Variants in KCTD7 observed in about 807,000 individuals in gnomAD.
KCTD7 encodes the protein BTB/POZ domain-containing protein KCTD7.
Under a neutral mutation model 27.0 loss-of-function variants are expected in KCTD7, and 15 were observed. The ratio of observed to expected loss-of-function variants is 0.56; its 90% CI spans 0.37 to 0.86. The LOEUF is 0.86. Among genes scored for constraint, KCTD7 ranks in the 40% least tolerant of loss-of-function variants. The probability of loss-of-function intolerance (pLI) is 0.00; values close to 1 mark genes in which losing one functional copy is unlikely to be tolerated. For synonymous variants in KCTD7, 159 were observed against 162.7 expected (o/e 0.98, Z 0.17); for missense variants, 299 against 398.9 (o/e 0.75, Z 2.13).
Position 66,629,130 on chromosome 7 carries a change from C to A in KCTD7, c.66C>A (p.Asp22Glu). 6.5e-7 allele frequency: 1 copy of A among 1,536,668 alleles called. No individual in the cohort carries two copies. Among genetic ancestry groups the A allele is most frequent in the Non-Finnish European group, 8.7e-7 (1 of 1,143,846 alleles). ...AGGACGGTGCCATGTCCAGCTCTGA[C>A]GCCGAAGACGACTTTCTGGAGCCGG... ...RRQDGAMSSS[D>E]AEDDFLEPAT... Residue 22 changes from aspartate to glutamate, a missense_variant, in exon 1 of 4, where the codon GAC (aspartate) becomes GAA (glutamate). Transcript: ENST00000639828.
chr7:66,629,394 C>T (rs1297954172), intron 1 of KCTD7, among the ~76,000 whole-genome samples, 186 bp downstream of exon 1: 1 of 121,742 alleles, frequency 8.2e-6, no homozygotes, highest in Non-Finnish European at 1.8e-5. Context: ...CCACCTTCAA[C>T]CCCTGTCAAT....
Position 66,641,971 on chromosome 7 carries a change from T to C in KCTD7, c.*2739T>C. 1.0e-6 allele frequency: 1 copy of C among 985,408 alleles called. No homozygotes were observed. Among genetic ancestry groups the C allele is most frequent in the Non-Finnish European group, 1.2e-6 (1 of 829,930 alleles). 61.0% of individuals were successfully genotyped at this position (985,408 alleles called of 1,614,324 possible). A position where few individuals can be genotyped will look rare whatever the true frequency, so the allele number is the denominator to read the frequency against. On this transcript the variant is annotated 3_prime_UTR_variant, in exon 4 of 4. Coordinates refer to ENST00000639828, the MANE Select transcript of KCTD7 (RefSeq NM_153033.5). ...CATAAGGAAGTGCATCTTTATAGAA[T>C]TGTTGTGCATAATGTCAGTAAATCC...
chr7:66,638,852 A>G lies in KCTD7; in HGVS notation c.494-4A>G, dbSNP rs776046806. The G allele has an allele frequency of 1.2e-6, 2 of 1,613,916 alleles. No homozygotes were observed. Among genetic ancestry groups the G allele is most frequent in the Middle Eastern group, 1.7e-4 (1 of 5,988 alleles). Reference sequence around the variant, plus strand: ...AGTGATAGGTGTTGTGTTCATCCTTATAGACCACTTGGAGCGGATTGTGGA... The same window carrying G: ...AGTGATAGGTGTTGTGTTCATCCTTGTAGACCACTTGGAGCGGATTGTGGA... On this transcript the variant is annotated splice_region_variant and splice_polypyrimidine_tract_variant and intron_variant, in intron 3 of 3. Transcript: ENST00000639828.
rs1487866257 is a variant in KCTD7 at position 66,639,882 on chromosome 7, C to G, written c.*650C>G. The stretch of plus-strand genomic sequence containing the variant: ...CTGCCAAAGCTATGCACCCAGTTGG[C>G]CTTAGAAAACCACAATGTTTACAGC... On this transcript the variant is annotated 3_prime_UTR_variant, in exon 4 of 4. Coordinates refer to ENST00000639828, the MANE Select transcript of KCTD7 (RefSeq NM_153033.5). 1.6e-6 allele frequency: 2 copies of G among 1,244,920 alleles called. No individual in the cohort carries two copies. Among genetic ancestry groups the G allele is most frequent in the Admixed American group, 7.7e-5 (2 of 25,864 alleles). 77.1% of individuals were successfully genotyped at this position (1,244,920 alleles called of 1,614,324 possible). A position where few individuals can be genotyped will look rare whatever the true frequency, so the allele number is the denominator to read the frequency against.
At chr7:66,629,829 G>T (rs1216542386) in intron 1 of KCTD7, among the ~76,000 whole-genome samples, 1 of 152,160 alleles carries the variant, frequency 6.6e-6, no homozygotes, top group Non-Finnish European at 1.5e-5. Context: ...GCACATAAGG[G>T]GCAGGCCAGT....
In KCTD7 at chr7:66,639,539, G is replaced by A; in HGVS notation, c.*307G>A. On this transcript the variant is annotated 3_prime_UTR_variant, in exon 4 of 4. Coordinates refer to ENST00000639828, the MANE Select transcript of KCTD7 (RefSeq NM_153033.5). ...TGACCAGGAAGTCCCGAGAAGTTTT[G>A]TCACCTTCTTGACCTTGCAAGAGAG... The A allele has an allele frequency of 7.3e-7, 1 of 1,375,730 alleles. No individual in the cohort carries two copies. Among genetic ancestry groups the A allele is most frequent in the Non-Finnish European group, 9.4e-7 (1 of 1,061,800 alleles). 85.2% of individuals were successfully genotyped at this position (1,375,730 alleles called of 1,614,324 possible). A position where few individuals can be genotyped will look rare whatever the true frequency, so the allele number is the denominator to read the frequency against.
intron 1 of KCTD7, among the ~76,000 whole-genome samples, chr7:66,630,687 A>G (rs1333033209): frequency 6.6e-6 from 1 of 152,246 alleles, no homozygotes; most frequent in African/African-American, 2.4e-5. Context: ...AATCTCTGCA[A>G]TTGGAAAAAA....
At position 66,629,089 on chromosome 7, in the gene KCTD7, C is replaced by T; in HGVS notation, c.25C>T (p.Pro9Ser). The part of the protein sequence containing the change: MVVVTGRE[P>S]DSRRQDGAMS... ...GATGGTGGTAGTCACGGGGCGGGAG[C>T]CAGACAGCCGTCGTCAGGACGGTGC... Residue 9 changes from proline to serine, a missense_variant, in exon 1 of 4, where the codon CCA (proline) becomes TCA (serine). Pro to Ser is a moderately conservative substitution (Grantham distance 74). Coordinates refer to ENST00000639828, the MANE Select transcript of KCTD7 (RefSeq NM_153033.5). The T allele has an allele frequency of 6.5e-7, 1 of 1,533,530 alleles. No individual in the cohort carries two copies. The highest frequency in any genetic ancestry group is 8.8e-7 in the Non-Finnish European group (1 of 1,141,910). The allele number at this position is 1,533,530 out of a possible 1,614,324, so 95.0% of individuals were successfully genotyped here.
In KCTD7 at chr7:66,640,336, A is replaced by G. The variant is rs546435150; in HGVS notation, c.*1104A>G. 232 of 1,535,540 alleles carry G rather than the reference A, an allele frequency of 1.5e-4. No individual in the cohort carries two copies. The highest frequency in any genetic ancestry group is 1.8e-4 in the Non-Finnish European group (207 of 1,146,370). ...CTATTTTTGTTTTACTCACTTCTTT[A>G]TATTTTGTTTTACTCCTCACTCCTG... On this transcript the variant is annotated 3_prime_UTR_variant, in exon 4 of 4. Transcript: ENST00000639828.
Position 66,633,288 on chromosome 7 carries a change from T to C in KCTD7, c.158T>C (p.Val53Ala), listed in dbSNP as rs2116763713. 1 of 1,613,900 alleles carries C rather than the reference T, an allele frequency of 6.2e-7. No homozygotes were observed. Among genetic ancestry groups the C allele is most frequent in the Non-Finnish European group, 8.5e-7 (1 of 1,179,852 alleles). Residue 53 changes from valine to alanine, a missense_variant, in exon 2 of 4, where the codon GTT becomes GCT. Coordinates refer to ENST00000639828, the MANE Select transcript of KCTD7 (RefSeq NM_153033.5). ...PLLPQEFPEV[V>A]PLNIGGAHFT... is the part of the protein sequence containing the mutation. ...ATTTCTTTCCAGTTTCCTGAGGTTG[T>C]TCCCCTTAACATCGGAGGGGCTCAC...
At chr7:66,638,714 A>T in intron 3 of KCTD7, 142 bp from the exon 4 acceptor site, 1 of 1,049,328 alleles carries the variant, frequency 9.5e-7, no homozygotes, top group South Asian at 1.5e-5. Flanking sequence ...TGTGCCCTTC[A>T]TTGGCCCCCT....
chr7:66,639,869 T>C lies in KCTD7; in HGVS notation c.*637T>C. Reference sequence around the variant, plus strand: ...GATTTAACCATAGCTGCCAAAGCTATGCACCCAGTTGGCCTTAGAAAACCA... The same window carrying C: ...GATTTAACCATAGCTGCCAAAGCTACGCACCCAGTTGGCCTTAGAAAACCA... On this transcript the variant is annotated 3_prime_UTR_variant, in exon 4 of 4. Transcript: ENST00000639828. The C allele has an allele frequency of 8.0e-7, 1 of 1,247,012 alleles. No homozygotes were observed. Among genetic ancestry groups the C allele is most frequent in the East Asian group, 3.1e-5 (1 of 32,478 alleles). 77.2% of individuals were successfully genotyped at this position (1,247,012 alleles called of 1,614,324 possible).
chr7:66,629,224 G>C lies in KCTD7; in HGVS notation c.144+16G>C. ...GCCACAGGAGGTACCCGGGCGGGCG[G>C]CGGGCCGCGGGGCGTGGGGAGGGGC... On this transcript the variant is annotated intron_variant, in intron 1 of 3. Transcript: ENST00000639828. 1 of 1,333,098 alleles carries C rather than the reference G, an allele frequency of 7.5e-7. No individual in the cohort carries two copies. Among genetic ancestry groups the C allele is most frequent in the Non-Finnish European group, 9.6e-7 (1 of 1,040,244 alleles). 82.6% of individuals were successfully genotyped at this position (1,333,098 alleles called of 1,614,324 possible).
At chr7:66,635,644 G>T (rs941273680) in intron 2 of KCTD7, among the ~76,000 whole-genome samples, 1 of 148,946 alleles carries the variant, frequency 6.7e-6, no homozygotes, top group Non-Finnish European at 1.5e-5. Context: ...CCTCCAAGAA[G>T]GATTGCCCAC....
At chr7:66,632,565 T>A (rs1267247243) in intron 1 of KCTD7, among the ~76,000 whole-genome samples, 4 of 151,596 alleles carry the variant, frequency 2.6e-5, no homozygotes, top group Non-Finnish European at 5.9e-5. Context: ...GAACAACCTA[T>A]AACACTGTAT....
intron 1 of KCTD7, 79 bp downstream of exon 1, chr7:66,629,287 G>A (rs1353433283): frequency 4.8e-6 from 5 of 1,041,228 alleles, no homozygotes; most frequent in Middle Eastern, 3.8e-4. Flanking sequence ...GCGGTCCTCG[G>A]CGGGTGGGCG....
At chr7:66,630,649 A>G (rs1786423937) in intron 1 of KCTD7, among the ~76,000 whole-genome samples, 1 of 152,340 alleles carries the variant, frequency 6.6e-6, no homozygotes, top group African/African-American at 2.4e-5. Flanking sequence ...ACACAATGCC[A>G]TGGGAAAATG....
rs1786688532 is a variant in KCTD7, at chr7:66,640,398, T to A, written c.*1166T>A. The A allele has an allele frequency of 6.5e-7, 1 of 1,537,226 alleles. No homozygotes were observed. Among genetic ancestry groups the A allele is most frequent in the African/African-American group, 1.4e-5 (1 of 73,056 alleles). On this transcript the variant is annotated 3_prime_UTR_variant, in exon 4 of 4. Transcript: ENST00000639828. ...TTACTTACTCCTCTATTTCAGAAAT[T>A]GAAAAAGATCCCCAAGGATCTGTTA...
rs1326234004 is a variant in KCTD7, at chr7:66,642,332, T to G, written c.*3100T>G. On this transcript the variant is annotated 3_prime_UTR_variant, in exon 4 of 4. Transcript: ENST00000639828. ...AGCAGTCAGCTGTACTCTGGAAGTT[T>G]CTGTTCTTCTTTCCTGGGGCTTAGG... is the stretch of plus-strand genomic sequence containing the variant. 1.6e-5 allele frequency: 16 copies of G among 985,466 alleles called. No individual in the cohort carries two copies. Among genetic ancestry groups the G allele is most frequent in the Non-Finnish European group, 1.9e-5 (16 of 829,942 alleles). 61.0% of individuals were successfully genotyped at this position (985,466 alleles called of 1,614,324 possible).
Sources: allele counts gnomAD v4.1 joint callset (sites outside exome capture counted in the v4.1 genomes callset), GRCh38; gene constraint gnomAD v4.1.1; transcripts MANE v1.5; gene names NCBI Gene and HGNC (gene_info 2026-07-23, HGNC 2026-07-21).